COL4A4: variants seen among roughly 807,000 people sequenced by gnomAD.
COL4A4 encodes the protein collagen type IV alpha 4 chain.
Under a neutral mutation model 192.9 loss-of-function variants are expected in COL4A4, and 105 were observed. The observed-to-expected ratio is 0.54, with a 90% CI of 0.46 to 0.64. The LOEUF (loss-of-function observed/expected upper bound fraction) is 0.64. COL4A4 is among the 30% of genes least tolerant of loss of function. The pLI, the probability that COL4A4 is intolerant of heterozygous loss-of-function variation, is 0.00. For synonymous variants in COL4A4, 762 were observed against 769.9 expected, an observed-to-expected ratio of 0.99 and a Z score of 0.17; for missense variants, 1,967 against 2,169.3, an observed-to-expected ratio of 0.91 and a Z score of 1.85.
chr2:227,118,910 C>T (rs929179710), intron 6 of COL4A4, 149 bp from the exon 7 acceptor site: 18 of 642,932 alleles, frequency 2.8e-5, no homozygotes, highest in South Asian at 2.1e-4. Flanking sequence ...CAAAAGGCTA[C>T]GTAGCATGTA....
intron 1 of COL4A4, among the ~76,000 whole-genome samples, chr2:227,161,844 G>A (rs1473341333): frequency 6.6e-6 from 1 of 151,884 alleles, no homozygotes; most frequent in Admixed American, 6.6e-5. Context: ...CATAGGCTAT[G>A]CTTGCCTCCA....
chr2:227,101,196 GCC>G (rs1404180381), intron 17 of COL4A4, among the ~76,000 whole-genome samples: 3 of 152,020 alleles, frequency 2.0e-5, no homozygotes, highest in Non-Finnish European at 2.9e-5. Flanking sequence ...CTCTCTCTTT[GCC>G]TGCTGCCATC....
At chr2:227,143,393 C>A (rs143245573) in intron 3 of COL4A4, among the ~76,000 whole-genome samples, 1 of 152,132 alleles carries the variant, frequency 6.6e-6, no homozygotes, top group African/African-American at 2.4e-5. Context: ...ATTCAAAATC[C>A]GGATGGGTAA....
chr2:227,009,760 G>A (rs1963207089), intron 46 of COL4A4, among the ~76,000 whole-genome samples: 1 of 150,830 alleles, frequency 6.6e-6, no homozygotes, highest in South Asian at 2.1e-4. Context: ...GAAGAGAAGA[G>A]GGGAGGGGAG....
chr2:227,124,942 G>T (rs1576690532), intron 4 of COL4A4, among the ~76,000 whole-genome samples: 1 of 152,148 alleles, frequency 6.6e-6, no homozygotes, highest in Non-Finnish European at 1.5e-5. Flanking sequence ...GTACTTTACA[G>T]TAATGTATTA....
chr2:227,097,079 T>C (rs75986241), intron 19 of COL4A4, among the ~76,000 whole-genome samples: 3,482 of 152,268 alleles, frequency 0.023, 125 homozygotes, highest in African/African-American at 0.078. Context: ...CTTGTCTTCA[T>C]GCCATTTCTA....
Position 227,078,061 on chromosome 2 carries a change from G to A in COL4A4, c.1820C>T (p.Ala607Val), listed in dbSNP as rs373916569. ...DPGPPGDHED[A>V]TPGGKGFPGP... ...AGGAAATCCTTTACCACCTGGGGTCGCATCTTCATGATCCCCCTGGGAATG... is the reference window on the plus strand; with the variant it reads ...AGGAAATCCTTTACCACCTGGGGTCACATCTTCATGATCCCCCTGGGAATG... The change falls in exon 25 of 48, where the codon GCG becomes GTG. Residue 607 changes from alanine to valine, a missense_variant. Ala to Val is a moderately conservative substitution (Grantham distance 64). Coordinates refer to ENST00000396625, the MANE Select transcript of COL4A4 (RefSeq NM_000092.5). 1.2e-5 allele frequency: 19 copies of A among 1,613,630 alleles called. No individual in the cohort carries two copies. Among genetic ancestry groups the A allele is most frequent in the East Asian group, 2.2e-5 (1 of 44,862 alleles).
chr2:227,023,035 C>T (rs112863819), intron 43 of COL4A4, among the ~76,000 whole-genome samples: 31 of 152,260 alleles, frequency 2.0e-4, no homozygotes, highest in African/African-American at 5.8e-4. Flanking sequence ...AGAATTGTGT[C>T]GCTAGTTTGT....
At chr2:227,146,288 T>C (rs1373024084) in intron 2 of COL4A4, among the ~76,000 whole-genome samples, 1 of 152,076 alleles carries the variant, frequency 6.6e-6, no homozygotes, top group Non-Finnish European at 1.5e-5. Flanking sequence ...CATTCCTTTT[T>C]TTTTTTTCTT....
chr2:227,069,754 A>T (rs1312233133), intron 25 of COL4A4, among the ~76,000 whole-genome samples: 2 of 151,840 alleles, frequency 1.3e-5, no homozygotes, highest in Non-Finnish European at 1.5e-5. Context: ...TAGACCTAAA[A>T]CCATAAAAAC....
intron 35 of COL4A4, among the ~76,000 whole-genome samples, chr2:227,046,092 T>TAC (rs1553636113): frequency 4.3e-5 from 3 of 69,204 alleles, no homozygotes; most frequent in African/African-American, 6.7e-5. Flanking sequence ...GATATATATG[T>TAC]ACATATATAT....
chr2:227,059,412 C>T lies in COL4A4; in HGVS notation c.2376G>A (p.Gly792=), dbSNP rs2150273199. The change falls in exon 28 of 48, where the codon GGG becomes GGA. Residue 792 remains glycine, a synonymous_variant. Transcript: ENST00000396625. The part of the protein sequence containing the change: ...KGPRGDPGCP[G]AEGPAGIPGF... The stretch of plus-strand genomic sequence containing the variant: ...ACAGCAAAGCCCTCATACCTTCAGC[C>T]CCTGGACATCCCGGATCACCTCTGG... 6.2e-7 allele frequency: 1 copy of T among 1,614,036 alleles called. No homozygotes were observed. The highest frequency in any genetic ancestry group is 2.2e-5 in the East Asian group (1 of 44,878).
chr2:227,116,337 G>A (rs913027299), intron 7 of COL4A4, among the ~76,000 whole-genome samples: 2 of 152,142 alleles, frequency 1.3e-5, no homozygotes, highest in Non-Finnish European at 2.9e-5. Flanking sequence ...AAGATCAGAA[G>A]GATCCATTTC....
Position 227,118,764 on chromosome 2 carries a change from G to A in COL4A4, c.373-3C>T. 1 of 1,604,512 alleles carries A rather than the reference G, an allele frequency of 6.2e-7. No homozygotes were observed. The highest frequency in any genetic ancestry group is 8.5e-7 in the Non-Finnish European group (1 of 1,172,374). On this transcript the variant is annotated splice_polypyrimidine_tract_variant and splice_region_variant and intron_variant, in intron 6 of 47. Coordinates refer to ENST00000396625, the MANE Select transcript of COL4A4 (RefSeq NM_000092.5). ...GGTCCAGGAGGCCCTGGGTGCCCCT[G>A]CAGAAAACAAAATTATAAGTGAAGC... is the stretch of plus-strand genomic sequence containing the variant.
intron 37 of COL4A4, among the ~76,000 whole-genome samples, chr2:227,040,625 G>C (rs1052267598): frequency 4.6e-5 from 7 of 151,010 alleles, no homozygotes; most frequent in African/African-American, 1.7e-4. Flanking sequence ...GAGCGCAGTG[G>C]CACGATATTG....
rs2061922541 is a variant in COL4A4 at position 227,123,560 on chromosome 2, G to T, written c.193-2412C>A. On this transcript the variant is annotated intron_variant, in intron 4 of 47. Coordinates refer to ENST00000396625, the MANE Select transcript of COL4A4 (RefSeq NM_000092.5). This position sits in a 1 kb window ranked among gnomAD's most constrained non-coding sequence, Gnocchi z 4.6. ...GGGCACCTGGGACTTAACCCTGAGGGGAGCCCACATCTCAGTGTTATCCCG... is the reference window on the plus strand; with the variant it reads ...GGGCACCTGGGACTTAACCCTGAGGTGAGCCCACATCTCAGTGTTATCCCG... Among the ~76,000 whole-genome samples, 2 of 152,196 alleles carry T rather than the reference G, an allele frequency of 1.3e-5. 1 individual carries two copies. Among genetic ancestry groups the T allele is most frequent in the South Asian group, 4.1e-4 (2 of 4,826 alleles).
chr2:227,030,645 T>C, intron 40 of COL4A4, 47 bp from the exon 41 acceptor site: 3 of 1,490,114 alleles, frequency 2.0e-6, no homozygotes, highest in Non-Finnish European at 2.7e-6. Flanking sequence ...CAAAGACGAA[T>C]GTGTATACTG....
At chr2:227,146,604 G>C (rs1434617576) in intron 2 of COL4A4, among the ~76,000 whole-genome samples, 1 of 152,094 alleles carries the variant, frequency 6.6e-6, no homozygotes, top group African/African-American at 2.4e-5. Context: ...TATGGTTCTG[G>C]AGGTCAGAAG....
At chr2:227,002,329 TA>T (rs1230060178), downstream of COL4A4, among the ~76,000 whole-genome samples, 3 of 152,248 alleles carry the variant, frequency 2.0e-5, no homozygotes, top group Non-Finnish European at 4.4e-5. Flanking sequence ...TTTGGTTTCA[TA>T]AATCTCTTTG....
Sources: allele counts gnomAD v4.1 joint callset (sites outside exome capture counted in the v4.1 genomes callset), GRCh38; gene constraint gnomAD v4.1.1; non-coding constraint Gnocchi (gnomAD v3.1); transcripts MANE v1.5; gene names NCBI Gene and HGNC (gene_info 2026-07-23, HGNC 2026-07-21).